The following CARS2 variants were observed in gnomAD, a reference collection of about 807,000 sequenced individuals.
The protein encoded by CARS2 is probable cysteine--tRNA ligase, mitochondrial.
Under a neutral mutation model 68.8 loss-of-function variants are expected in CARS2, and 52 were observed. The observed-to-expected ratio is 0.76, with a 90% CI of 0.61 to 0.95. The LOEUF (loss-of-function observed/expected upper bound fraction) is 0.95. Among genes scored for constraint, CARS2 ranks in the 40% least tolerant of loss-of-function variants. The pLI, the probability that CARS2 is intolerant of heterozygous loss-of-function variation, is 0.00. For synonymous variants in CARS2, 314 were observed against 303.6 expected (o/e 1.03, Z -0.36); for missense variants, 780 against 754.2 (o/e 1.03, Z -0.40).
chr13:110,641,643 A>G, intron 14 of CARS2, 35 bp from the exon 15 acceptor site: 1 of 1,532,018 alleles, frequency 6.5e-7, no homozygotes, highest in African/African-American at 1.4e-5. Flanking sequence ...CTCTGAGCAG[A>G]CACCACGTCA....
intron 5 of CARS2, among the ~76,000 whole-genome samples, chr13:110,685,801 C>A (rs750829455): frequency 6.6e-6 from 1 of 151,882 alleles, no homozygotes; most frequent in East Asian, 1.9e-4. Context: ...GGATTTATGG[C>A]GATGCTTCAT....
intron 7 of CARS2, among the ~76,000 whole-genome samples, chr13:110,673,413 CAA>C (rs2062857490): frequency 6.6e-6 from 1 of 152,220 alleles, no homozygotes; most frequent in Non-Finnish European, 1.5e-5. Context: ...TCAACATACA[CAA>C]ATCAATAAAC....
At chr13:110,687,670 CTCTG>C in intron 5 of CARS2, 47 bp downstream of exon 5, 1 of 1,199,478 alleles carries the variant, frequency 8.3e-7, no homozygotes, top group South Asian at 1.4e-5. Flanking sequence ...CAGAGTAAAA[CTCTG>C]TCTCAAAAAA....
rs2062696676 is a variant in CARS2 at position 110,668,037 on chromosome 13, T to C, written c.786-564A>G. ...GCCAGCCCACTCGAAGCTCTGTCCCTGGACCAGCTGCAGAAGCATGGCGAC... is the reference window on the plus strand; with the variant it reads ...GCCAGCCCACTCGAAGCTCTGTCCCCGGACCAGCTGCAGAAGCATGGCGAC... On this transcript the variant is annotated intron_variant, in intron 7 of 14. Coordinates refer to ENST00000257347, the MANE Select transcript of CARS2 (RefSeq NM_024537.4). The surrounding 1 kb of genome is among the most constrained non-coding windows in gnomAD (Gnocchi z 4.1). Among the ~76,000 whole-genome samples the C allele has an allele frequency of 6.6e-6, 1 of 152,212 alleles. No homozygotes were observed. The highest frequency in any genetic ancestry group is 2.4e-5 in the African/African-American group (1 of 41,466).
At chr13:110,646,818 T>A in intron 11 of CARS2, 1 of 365,372 alleles carries the variant, frequency 2.7e-6, no homozygotes, top group Non-Finnish European at 5.0e-6. Context: ...ACCCCACACC[T>A]CCTGTCCAGC....
intron 9 of CARS2, among the ~76,000 whole-genome samples, chr13:110,657,637 A>G (rs2062404578): frequency 6.6e-6 from 1 of 152,284 alleles, no homozygotes; most frequent in South Asian, 2.1e-4. Context: ...GAAGAATGCC[A>G]ACTAATAAAT....
chr13:110,678,388 G>A (rs1007592431), intron 6 of CARS2, among the ~76,000 whole-genome samples: 4 of 152,106 alleles, frequency 2.6e-5, no homozygotes, highest in Non-Finnish European at 4.4e-5. Context: ...CATCTGCCCA[G>A]GACAGGCACA....
rs1338321584 is a variant in CARS2 at position 110,670,743 on chromosome 13, G to A, written c.786-3270C>T. ...GAGTTGAGAGAAGAAGGCTTCAGAC[G>A]ATCGGTAATAACAAACTTCTCCGAG... On this transcript the variant is annotated intron_variant, in intron 7 of 14. Transcript: ENST00000257347. This position sits in a 1 kb window ranked among gnomAD's most constrained non-coding sequence, Gnocchi z 4.1. 6.6e-6 allele frequency among the ~76,000 whole-genome samples: 1 copy of A among 152,194 alleles called. No homozygotes were observed. Among genetic ancestry groups the A allele is most frequent in the Non-Finnish European group, 1.5e-5 (1 of 68,024 alleles).
intron 3 of CARS2, among the ~76,000 whole-genome samples, chr13:110,693,505 G>A (rs1467572522): frequency 1.3e-5 from 2 of 152,152 alleles, no homozygotes; most frequent in East Asian, 3.9e-4. Flanking sequence ...GACTACAGGT[G>A]CCCGCCACCA....
intron 7 of CARS2, among the ~76,000 whole-genome samples, chr13:110,675,356 C>A (rs1221513798): frequency 6.6e-6 from 1 of 152,214 alleles, no homozygotes; most frequent in Non-Finnish European, 1.5e-5. Flanking sequence ...GGCATATATA[C>A]ACCATGGAAT....
intron 3 of CARS2, among the ~76,000 whole-genome samples, chr13:110,699,010 T>A (rs1307169753): frequency 1.1e-5 from 1 of 88,736 alleles, no homozygotes. Context: ...TGACCCTGTC[T>A]CCAAAAAAAA....
At chr13:110,678,006 A>T (rs1284620616) in intron 6 of CARS2, 1 of 152,396 alleles carries the variant, frequency 6.6e-6, no homozygotes, top group Non-Finnish European at 1.5e-5. Flanking sequence ...TCTTCGAAGG[A>T]GCCTTGGCTT....
At chr13:110,651,148 C>G in intron 9 of CARS2, 48 bp from the exon 10 acceptor site, 1 of 1,303,650 alleles carries the variant, frequency 7.7e-7, no homozygotes, top group South Asian at 1.2e-5. Context: ...TTTTACGCTT[C>G]GCACTGTTCA....
intron 7 of CARS2, among the ~76,000 whole-genome samples, chr13:110,672,859 C>T (rs963232795): frequency 1.3e-5 from 2 of 152,070 alleles, no homozygotes; most frequent in African/African-American, 4.8e-5. Flanking sequence ...ATCAAATAGA[C>T]ACAACAAAAA....
At chr13:110,652,146 G>A (rs1041282148) in intron 9 of CARS2, among the ~76,000 whole-genome samples, 2 of 152,258 alleles carry the variant, frequency 1.3e-5, no homozygotes, top group South Asian at 2.1e-4. Flanking sequence ...TGAGAATTGC[G>A]TTTCCGTCTC....
intron 6 of CARS2, chr13:110,678,108 C>G (rs1054096603): frequency 6.6e-6 from 1 of 152,488 alleles, no homozygotes; most frequent in Non-Finnish European, 1.5e-5. Context: ...AGCTGGGCGG[C>G]CGGGAACCCA....
intron 10 of CARS2, among the ~76,000 whole-genome samples, chr13:110,649,931 C>CTTTT (rs59276783): frequency 3.1e-4 from 23 of 73,142 alleles, no homozygotes; most frequent in Admixed American, 4.4e-4. Flanking sequence ...TGGATAACGA[C>CTTTT]TTTTTTTTTT....
chr13:110,646,973 C>A, intron 11 of CARS2, 128 bp downstream of exon 11: 2 of 1,194,392 alleles, frequency 1.7e-6, no homozygotes, highest in Non-Finnish European at 2.3e-6. Flanking sequence ...TCTGGGCAGT[C>A]CCTGACCCCA....
At chr13:110,711,459 CCG>C (rs1189321570), upstream of CARS2, among the ~76,000 whole-genome samples, 3 of 152,232 alleles carry the variant, frequency 2.0e-5, no homozygotes, top group Non-Finnish European at 2.9e-5. Context: ...GGCAATTCGC[CCG>C]CCTCGGCCTC....
Sources: allele counts gnomAD v4.1 joint callset (sites outside exome capture counted in the v4.1 genomes callset), GRCh38; gene constraint gnomAD v4.1.1; non-coding constraint Gnocchi (gnomAD v3.1); transcripts MANE v1.5; gene names NCBI Gene and HGNC (gene_info 2026-07-23, HGNC 2026-07-21).